Variants in ELK3 observed in about 807,000 individuals in gnomAD.
ELK3 encodes ETS domain-containing protein Elk-3.
ELK3 carries 10 observed loss-of-function variants against 28.9 expected under a neutral mutation model. That is an observed-to-expected ratio of 0.35 (90% CI 0.21 to 0.59). The LOEUF (loss-of-function observed/expected upper bound fraction) is 0.59, where lower values mean the gene tolerates loss of function less well. Ranked by LOEUF, ELK3 falls within the 20% of genes least tolerant of loss-of-function variation. The pLI, the probability that ELK3 is intolerant of heterozygous loss-of-function variation, is 0.82. For missense variants in ELK3, 463 were observed against 517.3 expected (o/e 0.90, Z 1.02); for synonymous variants, 272 against 243.5 (o/e 1.12, Z -1.09).
At chr12:96,223,398 C>G in intron 1 of ELK3, 167 bp from the exon 2 acceptor site, 1 of 628,962 alleles carries the variant, frequency 1.6e-6, no homozygotes, top group Non-Finnish European at 2.8e-6. Context: ...CCAGGAAGCT[C>G]CTGGTTCAGA....
intron 4 of ELK3, among the ~76,000 whole-genome samples, chr12:96,262,708 C>T (rs1268711098): frequency 2.0e-5 from 3 of 151,904 alleles, no homozygotes; most frequent in Non-Finnish European, 2.9e-5. Context: ...CGGTAAACAA[C>T]AAAATATGGT....
At chr12:96,210,951 T>A (rs1270720863) in intron 1 of ELK3, among the ~76,000 whole-genome samples, 2 of 152,168 alleles carry the variant, frequency 1.3e-5, no homozygotes, top group African/African-American at 4.8e-5. Flanking sequence ...AAAAGAAGCC[T>A]CTACTGGGGG....
chr12:96,232,578 A>T (rs9971785), intron 2 of ELK3, among the ~76,000 whole-genome samples: 73,906 of 148,526 alleles, frequency 0.5, 19,160 homozygotes, highest in East Asian at 0.68. Flanking sequence ...CTCAAAAAAA[A>T]AAATAAATAA....
rs1398258270 is a variant in ELK3 at position 96,197,196 on chromosome 12, A to C, written c.-3+2491A>C. On this transcript the variant is annotated intron_variant, in intron 1 of 4. Coordinates refer to ENST00000228741, the MANE Select transcript of ELK3 (RefSeq NM_005230.4). The stretch of plus-strand genomic sequence containing the variant: ...CTCCTTCTAAGTAATTATTTGGGAC[A>C]CATAGGTTCATTTACGTTAGTGGTT... Among the ~76,000 whole-genome samples the C allele has an allele frequency of 3.3e-5, 5 of 152,198 alleles. No individual in the cohort carries two copies. In the South Asian group the frequency reaches 1.0e-3, roughly 31 times the overall value.
chr12:96,209,101 T>C (rs1951559014), intron 1 of ELK3, among the ~76,000 whole-genome samples: 1 of 152,236 alleles, frequency 6.6e-6, no homozygotes, highest in Non-Finnish European at 1.5e-5. Context: ...TGGTGCAGCG[T>C]GTGTGCACAC....
In ELK3 at chr12:96,269,180, G is replaced by GTT. The variant is rs1046658003; in HGVS notation, c.*2001_*2002dup. The GTT allele has an allele frequency of 2.2e-4, 33 of 152,188 alleles. No individual in the cohort carries two copies. The highest frequency in any genetic ancestry group is 7.7e-4 in the African/African-American group (32 of 41,444). 9.4% of individuals were successfully genotyped at this position (152,188 alleles called of 1,614,324 possible). A position where few individuals can be genotyped will look rare whatever the true frequency, so the allele number is the denominator to read the frequency against. On this transcript the variant is annotated 3_prime_UTR_variant, in exon 5 of 5. Coordinates refer to ENST00000228741, the MANE Select transcript of ELK3 (RefSeq NM_005230.4). Reference sequence around the variant, plus strand: ...AATTCTGTCTCCCCCATGCCTAGCTGTTAAGTAATTACTGGTTCAAAACTA... The same window carrying GTT: ...AATTCTGTCTCCCCCATGCCTAGCTGTTTTAAGTAATTACTGGTTCAAAACTA...
chr12:96,267,011 G>A lies in ELK3; in HGVS notation c.1126-71G>A, dbSNP rs78677564. On this transcript the variant is annotated intron_variant, in intron 4 of 4. Transcript: ENST00000228741. ...AAATGGACTGCTATGGACTGTATGG[G>A]AATGTAAAGAACCTAAGTTCTTCCC... 3,336 of 1,308,538 alleles carry A rather than the reference G, an allele frequency of 2.5e-3. 20 individuals are homozygous for A. The highest frequency in any genetic ancestry group is 8.0e-3 in the Middle Eastern group (43 of 5,392). 81.1% of individuals were successfully genotyped at this position (1,308,538 alleles called of 1,614,324 possible).
intron 2 of ELK3, among the ~76,000 whole-genome samples, chr12:96,234,541 C>A (rs534412079): frequency 2.1e-3 from 313 of 152,310 alleles, no homozygotes; most frequent in Non-Finnish European, 3.1e-3. Flanking sequence ...GCCTCTCCCC[C>A]ACCCCTGCCT....
Position 96,247,445 on chromosome 12 carries a change from CCTT to C in ELK3, c.716_718del (p.Phe239del). ...GCTGCCAGTATTTCATCCGCCTCACCCTTCTCATCTCGGTCCCCGTCCCTGTCC... is the reference window on the plus strand; with the variant it reads ...GCTGCCAGTATTTCATCCGCCTCACCCTCATCTCGGTCCCCGTCCCTGTCC... On this transcript the variant is annotated inframe_deletion, in exon 3 of 5. Transcript: ENST00000228741. This position sits in a 1 kb window ranked among gnomAD's most constrained non-coding sequence, Gnocchi z 5.5. 6.2e-7 allele frequency: 1 copy of C among 1,614,170 alleles called. No individual in the cohort carries two copies. Among genetic ancestry groups the C allele is most frequent in the Non-Finnish European group, 8.5e-7 (1 of 1,180,026 alleles).
chr12:96,228,555 T>C (rs1951721030), intron 2 of ELK3, among the ~76,000 whole-genome samples: 1 of 151,976 alleles, frequency 6.6e-6, no homozygotes, highest in South Asian at 2.1e-4. Flanking sequence ...GAGCACTTTG[T>C]CGTGCTTTTT....
intron 2 of ELK3, among the ~76,000 whole-genome samples, chr12:96,224,430 T>C (rs1016105354): frequency 3.9e-5 from 6 of 151,950 alleles, no homozygotes; most frequent in African/African-American, 1.2e-4. Context: ...GTCTCAGGAT[T>C]GTGGTGATGA....
At chr12:96,250,590 T>G (rs777124696) in intron 3 of ELK3, among the ~76,000 whole-genome samples, 1 of 152,198 alleles carries the variant, frequency 6.6e-6, no homozygotes, top group Non-Finnish European at 1.5e-5. Context: ...CCAGGCATTC[T>G]GTGGAATTCC....
In ELK3 at chr12:96,267,171, G is replaced by A. The variant is rs1952039781; in HGVS notation, c.1215G>A (p.Gln405=). The change falls in exon 5 of 5, where the codon CAG becomes CAA. Residue 405 remains glutamine, a synonymous_variant. Coordinates refer to ENST00000228741, the MANE Select transcript of ELK3 (RefSeq NM_005230.4). ...ASPVLLSSNS[Q]KS ...CAGTACTGCTTTCTTCAAACTCTCA[G>A]AAATCCTGATGACGTCTGGCCACAA... The A allele has an allele frequency of 6.2e-7, 1 of 1,612,232 alleles. No homozygotes were observed. The highest frequency in any genetic ancestry group is 8.5e-7 in the Non-Finnish European group (1 of 1,179,230).
chr12:96,219,466 G>A (rs1565780679), intron 1 of ELK3, among the ~76,000 whole-genome samples: 2 of 152,170 alleles, frequency 1.3e-5, no homozygotes, highest in Admixed American at 6.5e-5. Flanking sequence ...TGGCAGAGGC[G>A]CAGTGGAATG....
intron 4 of ELK3, among the ~76,000 whole-genome samples, chr12:96,263,233 C>T (rs1411140535): frequency 1.3e-5 from 2 of 152,078 alleles, no homozygotes; most frequent in African/African-American, 4.8e-5. Flanking sequence ...GAGAAGACGC[C>T]TTTCTGGAAG....
intron 1 of ELK3, among the ~76,000 whole-genome samples, chr12:96,210,571 A>ACGGG: frequency 6.7e-6 from 1 of 150,262 alleles, no homozygotes; most frequent in African/African-American, 2.5e-5. Context: ...GCACGCACAC[A>ACGGG]CACACACACA....
At position 96,247,286 on chromosome 12, in the gene ELK3, T is replaced by C; in HGVS notation, c.554T>C (p.Phe185Ser). The change falls in exon 3 of 5, where the codon TTT (phenylalanine) becomes TCT (serine). Residue 185 changes from phenylalanine to serine, a missense_variant. By Grantham distance (155) the Phe-to-Ser change is radical (BLOSUM62 -2). Coordinates refer to ENST00000228741, the MANE Select transcript of ELK3 (RefSeq NM_005230.4). This position sits in a 1 kb window ranked among gnomAD's most constrained non-coding sequence, Gnocchi z 5.5. ...GAAGAAGTCAGGACTGTGATCAGGT[T>C]TGTGACCAATAAAACCGACAAGCAC... The part of the protein sequence containing the change: ...PVEEVRTVIR[F>S]VTNKTDKHVT... 6.2e-7 allele frequency: 1 copy of C among 1,614,236 alleles called. No individual in the cohort carries two copies. The highest frequency in any genetic ancestry group is 2.2e-5 in the East Asian group (1 of 44,890).
At chr12:96,251,624 T>C (rs1951907461) in intron 3 of ELK3, among the ~76,000 whole-genome samples, 1 of 152,144 alleles carries the variant, frequency 6.6e-6, no homozygotes, top group African/African-American at 2.4e-5. Flanking sequence ...AAAACATGAA[T>C]GATAAGAAAG....
At chr12:96,253,821 T>A (rs1951926008) in intron 3 of ELK3, among the ~76,000 whole-genome samples, 1 of 152,234 alleles carries the variant, frequency 6.6e-6, no homozygotes, top group African/African-American at 2.4e-5. Flanking sequence ...TTCATTCATT[T>A]GGGAGATAAT....
Sources: gnomAD v4.1 joint callset for allele counts (sites outside exome capture counted in the v4.1 genomes callset) on GRCh38, gnomAD v4.1.1 for gene constraint, Gnocchi (gnomAD v3.1) non-coding constraint, MANE v1.5 for transcripts, NCBI Gene and HGNC (gene_info 2026-07-23, HGNC 2026-07-21) for gene names.